The following CHRNA3 variants were observed in gnomAD, a reference collection of about 807,000 sequenced individuals.
CHRNA3 encodes cholinergic receptor nicotinic alpha 3 subunit.
CHRNA3 carries 34 observed loss-of-function variants against 41.9 expected under a neutral mutation model. The observed-to-expected ratio is 0.81, with a 90% CI of 0.62 to 1.08. The LOEUF (loss-of-function observed/expected upper bound fraction) is 1.08, where lower values mean the gene tolerates loss of function less well. Ranked by LOEUF, CHRNA3 falls within the 50% of genes least tolerant of loss-of-function variation. CHRNA3 has a pLI of 0.00. For missense variants in CHRNA3, 542 were observed against 638.3 expected (o/e 0.85, Z 1.63); for synonymous variants, 281 against 265.2 (o/e 1.06, Z -0.58).
At chr15:78,615,693 G>A (rs946621640) in intron 4 of CHRNA3, among the ~76,000 whole-genome samples, 1 of 151,102 alleles carries the variant, frequency 6.6e-6, no homozygotes, top group East Asian at 2.0e-4. Flanking sequence ...CTTTAGAAAA[G>A]ACAGTGAGGA....
chr15:78,618,327 A>G, intron 3 of CHRNA3: 1 of 385,132 alleles, frequency 2.6e-6, no homozygotes, highest in South Asian at 4.0e-5. Flanking sequence ...CAGGGCTTCA[A>G]TCTCAGGTTC....
chr15:78,602,923 G>T (rs994193692), intron 4 of CHRNA3, among the ~76,000 whole-genome samples: 1 of 152,120 alleles, frequency 6.6e-6, no homozygotes, highest in African/African-American at 2.4e-5. Flanking sequence ...AGCCTAACAG[G>T]TTTCTTCACT....
At chr15:78,605,008 G>C (rs1430531333) in intron 4 of CHRNA3, among the ~76,000 whole-genome samples, 3 of 4,100 alleles carry the variant, frequency 7.3e-4, no homozygotes, top group Non-Finnish European at 3.7e-3. Context: ...GTGAGATTCT[G>C]TCTCAGTCAA....
chr15:78,607,218 C>CAA (rs34822304), intron 4 of CHRNA3, among the ~76,000 whole-genome samples: 5,031 of 111,120 alleles, frequency 0.045, 181 homozygotes, highest in East Asian at 0.23. Flanking sequence ...ACTCTGTCTC[C>CAA]AAAAAAAAAA....
intron 4 of CHRNA3, among the ~76,000 whole-genome samples, chr15:78,605,469 G>A (rs936373009): frequency 6.6e-6 from 1 of 152,062 alleles, no homozygotes; most frequent in African/African-American, 2.4e-5. Flanking sequence ...TCCTAAGAGT[G>A]CCAGACACAG....
At chr15:78,603,020 A>G (rs1182392705) in intron 4 of CHRNA3, among the ~76,000 whole-genome samples, 1 of 152,082 alleles carries the variant, frequency 6.6e-6, no homozygotes, top group Non-Finnish European at 1.5e-5. Context: ...TTCACACAGA[A>G]ATAGACATTT....
chr15:78,608,471 G>C (rs144067702), intron 4 of CHRNA3, among the ~76,000 whole-genome samples: 1,795 of 152,300 alleles, frequency 0.012, 33 homozygotes, highest in African/African-American at 0.039. Context: ...AGGCAAACAG[G>C]GTCTGGAGTG....
At chr15:78,620,633 T>A in intron 1 of CHRNA3, 80 bp downstream of exon 1, 1 of 1,449,922 alleles carries the variant, frequency 6.9e-7, no homozygotes, top group East Asian at 3.0e-5. Context: ...CCGCGCGGTG[T>A]TCTCGCCGGC....
At chr15:78,606,879 A>AAAAAC (rs1295472521) in intron 4 of CHRNA3, among the ~76,000 whole-genome samples, 5 of 152,106 alleles carry the variant, frequency 3.3e-5, no homozygotes, top group African/African-American at 7.2e-5. Context: ...TCTGTCTCAA[A>AAAAAC]AAAACAAAAC....
chr15:78,620,167 C>G (rs866439134), intron 1 of CHRNA3: 1 of 152,622 alleles, frequency 6.6e-6, no homozygotes, highest in Non-Finnish European at 1.5e-5. Flanking sequence ...GGTGGAGGGT[C>G]CCTCAGCGAC....
chr15:78,611,595 G>C (rs1313694007), intron 4 of CHRNA3, among the ~76,000 whole-genome samples: 4 of 152,232 alleles, frequency 2.6e-5, no homozygotes, highest in South Asian at 4.1e-4. Context: ...CTGTCTATGA[G>C]AAACCCACAG....
intron 2 of CHRNA3, 25 bp from the exon 3 acceptor site, chr15:78,618,686 A>G (rs1460971359): frequency 6.2e-7 from 1 of 1,612,870 alleles, no homozygotes; most frequent in Non-Finnish European, 8.5e-7. Flanking sequence ...TAAAGTTGAC[A>G]GGAGAATTAC....
At chr15:78,620,401 G>GGGCAGCGCGGGGACA in intron 1 of CHRNA3, 1 of 380,166 alleles carries the variant, frequency 2.6e-6, no homozygotes, top group Non-Finnish European at 4.6e-6. Flanking sequence ...GCGCGGGGAC[G>GGGCAGCGCGGGGACA]CGAATCCCCA....
At chr15:78,593,868 C>T (rs2053052835), downstream of CHRNA3, 1 of 151,262 alleles carries the variant, frequency 6.6e-6, no homozygotes, top group South Asian at 2.1e-4. Flanking sequence ...TGGAGAAACC[C>T]CGTCTCTACT....
At chr15:78,597,923 CACTACTGTCATAGGTAAA>C (rs1262507445) in intron 5 of CHRNA3, among the ~76,000 whole-genome samples, 2 of 152,148 alleles carry the variant, frequency 1.3e-5, no homozygotes, top group Non-Finnish European at 1.5e-5. Context: ...CTCTTGGTGA[CACTACTGTCATAGGTAAA>C]ATTAGAATTA....
At chr15:78,607,057 A>G (rs1213347505) in intron 4 of CHRNA3, among the ~76,000 whole-genome samples, 2 of 151,330 alleles carry the variant, frequency 1.3e-5, no homozygotes, top group African/African-American at 4.9e-5. Context: ...GTGAAACCCC[A>G]TCTCTACTAA....
intron 4 of CHRNA3, among the ~76,000 whole-genome samples, chr15:78,611,571 C>CA (rs1171631846): frequency 2.0e-5 from 3 of 152,130 alleles, no homozygotes; most frequent in Non-Finnish European, 4.4e-5. Context: ...GGATGTATCT[C>CA]AAAATAATAA....
At chr15:78,616,973 C>G in intron 4 of CHRNA3, 51 bp downstream of exon 4, 1 of 1,365,818 alleles carries the variant, frequency 7.3e-7, no homozygotes, top group Non-Finnish European at 1.0e-6. Flanking sequence ...GCCAAAAACC[C>G]AGAGCCCAGG....
At chr15:78,614,769 A>G (rs1418597438) in intron 4 of CHRNA3, among the ~76,000 whole-genome samples, 1 of 152,262 alleles carries the variant, frequency 6.6e-6, no homozygotes, top group Non-Finnish European at 1.5e-5. Context: ...AGGTACAAAA[A>G]TGATATTCTT....
Sources: gnomAD v4.1 joint callset for allele counts (sites outside exome capture counted in the v4.1 genomes callset) on GRCh38, gnomAD v4.1.1 for gene constraint, MANE v1.5 for transcripts, NCBI Gene and HGNC (gene_info 2026-07-23, HGNC 2026-07-21) for gene names.